The following FAM13A variants were observed in gnomAD, a reference collection of about 807,000 sequenced individuals.
The protein encoded by FAM13A is protein FAM13A.
A neutral mutation model predicts 129.6 loss-of-function variants in FAM13A; 76 were observed. That is an observed-to-expected ratio of 0.59 (90% CI 0.49 to 0.71). The LOEUF is 0.71. FAM13A is among the 30% of genes least tolerant of loss of function. The probability of loss-of-function intolerance (pLI) is 0.00; values close to 1 mark genes in which losing one functional copy is unlikely to be tolerated. For synonymous variants in FAM13A, 443 were observed against 449.9 expected (o/e 0.98, Z 0.20); for missense variants, 1,108 against 1,249.3 (o/e 0.89, Z 1.70).
At chr4:88,891,788 T>C (rs1180126540) in intron 6 of FAM13A, among the ~76,000 whole-genome samples, 7 of 152,178 alleles carry the variant, frequency 4.6e-5, no homozygotes, top group Admixed American at 3.9e-4. Flanking sequence ...AAACTACAGA[T>C]ATGAGAGAGC....
intron 6 of FAM13A, among the ~76,000 whole-genome samples, chr4:88,882,423 T>A (rs1457859809): frequency 2.6e-5 from 4 of 152,004 alleles, no homozygotes; most frequent in Non-Finnish European, 1.5e-5. Context: ...TTTCAGACAA[T>A]GCTGTATTGT....
chr4:88,835,609 T>C (rs927267730), intron 7 of FAM13A, among the ~76,000 whole-genome samples: 3 of 152,156 alleles, frequency 2.0e-5, no homozygotes, highest in Admixed American at 6.5e-5. Flanking sequence ...GAGTTTGTTA[T>C]CCTGCAACTA....
intron 6 of FAM13A, among the ~76,000 whole-genome samples, chr4:88,871,183 A>T (rs1741324469): frequency 6.6e-6 from 1 of 152,212 alleles, no homozygotes; most frequent in African/African-American, 2.4e-5. Flanking sequence ...AACCACAAAG[A>T]TGGGGAGAAA....
intron 4 of FAM13A, among the ~76,000 whole-genome samples, chr4:88,986,801 T>C (rs1762298226): frequency 6.6e-6 from 1 of 152,216 alleles, no homozygotes; most frequent in East Asian, 1.9e-4. Context: ...GAAATCAAAG[T>C]TGTTAAGAAA....
At chr4:88,916,012 G>C (rs1389778889) in intron 5 of FAM13A, among the ~76,000 whole-genome samples, 1 of 151,866 alleles carries the variant, frequency 6.6e-6, no homozygotes, top group East Asian at 1.9e-4. Context: ...AGAACTGTGG[G>C]CCAAAGAAAC....
intron 8 of FAM13A, among the ~76,000 whole-genome samples, chr4:88,798,426 G>C (rs1373836145): frequency 1.3e-5 from 2 of 152,160 alleles, no homozygotes; most frequent in Admixed American, 6.5e-5. Context: ...GATGAGGGCA[G>C]AGAGGTGAAA....
At chr4:88,862,389 G>T (rs1739633277) in intron 6 of FAM13A, among the ~76,000 whole-genome samples, 1 of 152,134 alleles carries the variant, frequency 6.6e-6, no homozygotes, top group Non-Finnish European at 1.5e-5. Flanking sequence ...AAATGAGTGG[G>T]CATGGAAGGA....
chr4:88,966,332 A>T (rs1759346822), intron 4 of FAM13A, among the ~76,000 whole-genome samples: 1 of 152,168 alleles, frequency 6.6e-6, no homozygotes, highest in African/African-American at 2.4e-5. Context: ...ATATTCACTC[A>T]TTCCTTCTTT....
intron 7 of FAM13A, among the ~76,000 whole-genome samples, chr4:88,831,067 G>A (rs944882129): frequency 6.6e-6 from 1 of 151,586 alleles, no homozygotes; most frequent in African/African-American, 2.4e-5. Flanking sequence ...TAAAATTTTC[G>A]AGACAACTTA....
At chr4:88,807,475 T>C (rs1227716367) in intron 7 of FAM13A, among the ~76,000 whole-genome samples, 2 of 152,216 alleles carry the variant, frequency 1.3e-5, no homozygotes, top group Non-Finnish European at 1.5e-5. Context: ...AGTGAGTACA[T>C]AACTCATTCA....
chr4:88,938,445 A>G (rs1754187616), intron 4 of FAM13A, among the ~76,000 whole-genome samples: 1 of 152,220 alleles, frequency 6.6e-6, no homozygotes, highest in African/African-American at 2.4e-5. Flanking sequence ...CTTGGGCTGA[A>G]TAAGAAAAAT....
intron 4 of FAM13A, among the ~76,000 whole-genome samples, chr4:88,965,830 T>C (rs1408371658): frequency 6.6e-6 from 1 of 152,250 alleles, no homozygotes; most frequent in African/African-American, 2.4e-5. Context: ...TTTTTGTGAC[T>C]AGCTTAGTTC....
chr4:88,922,587 T>A (rs1039729444), intron 5 of FAM13A, among the ~76,000 whole-genome samples: 4 of 150,686 alleles, frequency 2.7e-5, no homozygotes, highest in Non-Finnish European at 3.0e-5. Context: ...TAAATGCCCA[T>A]AAGAGAAAGC....
At chr4:88,905,093 T>C (rs965429423) in intron 6 of FAM13A, among the ~76,000 whole-genome samples, 8 of 152,172 alleles carry the variant, frequency 5.3e-5, no homozygotes, top group African/African-American at 1.9e-4. Context: ...GAAGATCTAC[T>C]GCACTTGACT....
At chr4:88,873,977 G>A (rs1458838349) in intron 6 of FAM13A, among the ~76,000 whole-genome samples, 1 of 152,034 alleles carries the variant, frequency 6.6e-6, no homozygotes, top group Non-Finnish European at 1.5e-5. Flanking sequence ...ATGCAAGGCT[G>A]GTTCAACACA....
chr4:88,996,884 C>T (rs577504408), intron 3 of FAM13A, among the ~76,000 whole-genome samples: 59 of 152,208 alleles, frequency 3.9e-4, no homozygotes, highest in African/African-American at 1.0e-3. Flanking sequence ...AAGAATGATA[C>T]GCATTTTTAA....
At chr4:88,907,138 T>C (rs1210282978) in intron 5 of FAM13A, among the ~76,000 whole-genome samples, 1 of 152,248 alleles carries the variant, frequency 6.6e-6, no homozygotes, top group Non-Finnish European at 1.5e-5. Flanking sequence ...GTTTGTTTTG[T>C]TGTTTCAATA....
intron 13 of FAM13A, among the ~76,000 whole-genome samples, chr4:88,762,744 T>A (rs140359900): frequency 7.9e-5 from 12 of 152,176 alleles, no homozygotes; most frequent in African/African-American, 2.9e-4. Context: ...CTAACAGGGC[T>A]CTTCATATAG....
chr4:89,056,223 T>C (rs1049604902), intron 1 of FAM13A, among the ~76,000 whole-genome samples: 4 of 152,204 alleles, frequency 2.6e-5, no homozygotes, highest in Admixed American at 2.6e-4. Flanking sequence ...AATTACAGCA[T>C]TCTGCAAATT....
Sources: allele counts gnomAD v4.1 joint callset (sites outside exome capture counted in the v4.1 genomes callset), GRCh38; gene constraint gnomAD v4.1.1; transcripts MANE v1.5; gene names NCBI Gene and HGNC (gene_info 2026-07-23, HGNC 2026-07-21).